The following RPN1 variants were observed in gnomAD, a reference collection of about 807,000 sequenced individuals.
The protein encoded by RPN1 is dolichyl-diphosphooligosaccharide--protein glycosyltransferase subunit 1.
In RPN1, 12 loss-of-function variants were observed where a neutral mutation model predicts 55.5. The ratio of observed to expected loss-of-function variants is 0.22; its 90% CI spans 0.14 to 0.35. The LOEUF (loss-of-function observed/expected upper bound fraction) is 0.35. Ranked by LOEUF, RPN1 falls within the 10% of genes least tolerant of loss-of-function variation. The pLI, the probability that RPN1 is intolerant of heterozygous loss-of-function variation, is 1.00. For missense variants in RPN1, 679 were observed against 761.3 expected, an observed-to-expected ratio of 0.89 and a Z score of 1.27; for synonymous variants, 317 against 305.9, an observed-to-expected ratio of 1.04 and a Z score of -0.38.
intron 1 of RPN1, among the ~76,000 whole-genome samples, chr3:128,646,664 C>T (rs1407181866): frequency 6.6e-6 from 1 of 150,670 alleles, no homozygotes; most frequent in Non-Finnish European, 1.5e-5. Flanking sequence ...CCAGCCTGGG[C>T]GACAAGAGTG....
rs117019449 is a variant in RPN1, at chr3:128,642,890, C to T, written c.326+2029G>A. ...AAAATTAACTGGGCGTGGTAGCACG[C>T]GCCTTAATCCCAACTACTTGGGAGG... On this transcript the variant is annotated intron_variant, in intron 2 of 9. Coordinates refer to ENST00000296255, the MANE Select transcript of RPN1 (RefSeq NM_002950.4). 6.1e-4 allele frequency among the ~76,000 whole-genome samples: 93 copies of T among 151,968 alleles called. 1 individual carries two copies. The East Asian group carries it at 0.016, about 26-fold the overall frequency.
At chr3:128,649,206 A>G (rs925557539) in intron 1 of RPN1, among the ~76,000 whole-genome samples, 2 of 152,190 alleles carry the variant, frequency 1.3e-5, no homozygotes, top group African/African-American at 4.8e-5. Flanking sequence ...TTTTTTGTAT[A>G]CCAATTATAC....
At chr3:128,635,651 A>ATC (rs2069674543) in intron 3 of RPN1, among the ~76,000 whole-genome samples, 1 of 35,186 alleles carries the variant, frequency 2.8e-5, no homozygotes, top group Admixed American at 3.0e-4. Flanking sequence ...ATATATATAT[A>ATC]TATATATATA....
At chr3:128,629,636 G>A (rs79254019) in intron 5 of RPN1, among the ~76,000 whole-genome samples, 1,937 of 152,182 alleles carry the variant, frequency 0.013, 36 homozygotes, top group African/African-American at 0.043. Context: ...ATATAAAAGT[G>A]TTTTTTATTA....
At chr3:128,648,117 G>A (rs2069783278) in intron 1 of RPN1, among the ~76,000 whole-genome samples, 1 of 152,030 alleles carries the variant, frequency 6.6e-6, no homozygotes, top group Admixed American at 6.6e-5. Flanking sequence ...AAATTGGCCG[G>A]GCGCAGTGGC....
At chr3:128,631,097 A>G (rs2069637970) in intron 4 of RPN1, among the ~76,000 whole-genome samples, 1 of 128,844 alleles carries the variant, frequency 7.8e-6, no homozygotes, top group Non-Finnish European at 1.6e-5. Context: ...TGGGCAATAG[A>G]GCGAGACTCT....
chr3:128,636,865 G>A (rs909297016), intron 3 of RPN1, among the ~76,000 whole-genome samples: 2 of 152,146 alleles, frequency 1.3e-5, no homozygotes, highest in Non-Finnish European at 2.9e-5. Flanking sequence ...AATCTTAAAC[G>A]TCTAAAATAC....
chr3:128,645,062 G>T, intron 1 of RPN1, 79 bp from the exon 2 acceptor site: 1 of 811,884 alleles, frequency 1.2e-6, no homozygotes, highest in Non-Finnish European at 2.2e-6. Context: ...AAGTGCTTTA[G>T]AACATCCCCA....
At position 128,620,015 on chromosome 3, in the gene RPN1, TAAAAA is replaced by T. The variant is rs367651108; in HGVS notation, c.*391_*395del. ...TATTTCCATTTGTTCACACACGCTT[TAAAAA>T]AAAAAAAAAAAACACATGCACTCAC... is the stretch of plus-strand genomic sequence containing the variant. On this transcript the variant is annotated 3_prime_UTR_variant, in exon 10 of 10. Coordinates refer to ENST00000296255, the MANE Select transcript of RPN1 (RefSeq NM_002950.4). 1.7e-5 allele frequency: 3 copies of T among 178,768 alleles called. No individual in the cohort carries two copies. Among genetic ancestry groups the T allele is most frequent in the African/African-American group, 2.6e-5 (1 of 37,768 alleles). 11.1% of individuals were successfully genotyped at this position (178,768 alleles called of 1,614,324 possible). A position where few individuals can be genotyped will look rare whatever the true frequency, so the allele number is the denominator to read the frequency against.
chr3:128,628,023 T>A (rs191014989), intron 5 of RPN1, among the ~76,000 whole-genome samples: 1,946 of 151,860 alleles, frequency 0.013, 39 homozygotes, highest in African/African-American at 0.043. Context: ...TTTGGAAGGC[T>A]GAGGTGGGTG....
intron 4 of RPN1, among the ~76,000 whole-genome samples, chr3:128,630,594 C>A (rs1390558431): frequency 6.6e-6 from 1 of 151,806 alleles, no homozygotes; most frequent in African/African-American, 2.4e-5. Context: ...GGTATAATAC[C>A]TTTGTTCACA....
intron 1 of RPN1, among the ~76,000 whole-genome samples, chr3:128,645,975 T>A (rs2069763779): frequency 6.6e-6 from 1 of 152,078 alleles, no homozygotes; most frequent in Admixed American, 6.6e-5. Context: ...CTGGGCGCAG[T>A]GGCTCACACC....
intron 8 of RPN1, among the ~76,000 whole-genome samples, chr3:128,623,990 T>TACACACACACACACGC (rs1476111915): frequency 6.6e-6 from 1 of 150,826 alleles, no homozygotes; most frequent in African/African-American, 2.4e-5. Flanking sequence ...CAGAAATAAT[T>TACACACACACACACGC]ACACACACAC....
chr3:128,649,664 T>C (rs1171286858), intron 1 of RPN1, among the ~76,000 whole-genome samples: 1 of 152,232 alleles, frequency 6.6e-6, no homozygotes, highest in Non-Finnish European at 1.5e-5. Flanking sequence ...ACCAAACCTC[T>C]GTGTATGTAC....
intron 8 of RPN1, among the ~76,000 whole-genome samples, chr3:128,622,700 C>T (rs2069569365): frequency 6.6e-6 from 1 of 151,982 alleles, no homozygotes; most frequent in South Asian, 2.1e-4. Context: ...CAAGACCAGC[C>T]TGACCAATAT....
At chr3:128,647,012 T>G (rs1242161670) in intron 1 of RPN1, among the ~76,000 whole-genome samples, 2 of 151,260 alleles carry the variant, frequency 1.3e-5, no homozygotes, top group African/African-American at 4.9e-5. Context: ...AAAATACCCT[T>G]GGGGAGGAGC....
chr3:128,622,981 G>T (rs187700455), intron 8 of RPN1, among the ~76,000 whole-genome samples: 37 of 151,960 alleles, frequency 2.4e-4, no homozygotes, highest in African/African-American at 8.7e-4. Context: ...GGATGATAAT[G>T]TCAGTGTGCC....
At chr3:128,636,457 T>C (rs970704362) in intron 3 of RPN1, among the ~76,000 whole-genome samples, 1 of 138,630 alleles carries the variant, frequency 7.2e-6, no homozygotes, top group African/African-American at 2.8e-5. Context: ...CAAGACTCCT[T>C]CTCAAAAAAA....
intron 4 of RPN1, among the ~76,000 whole-genome samples, chr3:128,630,367 A>G (rs2069632596): frequency 6.6e-6 from 1 of 152,250 alleles, no homozygotes; most frequent in Admixed American, 6.5e-5. Context: ...AACAGTAAAT[A>G]ATTAAGGGAA....
Sources: gnomAD v4.1 joint callset for allele counts (sites outside exome capture counted in the v4.1 genomes callset) on GRCh38, gnomAD v4.1.1 for gene constraint, MANE v1.5 for transcripts, NCBI Gene and HGNC (gene_info 2026-07-23, HGNC 2026-07-21) for gene names.